NGLY1: variants seen among roughly 807,000 people sequenced by gnomAD.
NGLY1 encodes peptide-N(4)-(N-acetyl-beta-glucosaminyl)asparagine amidase.
NGLY1 carries 68 observed loss-of-function variants against 84.6 expected under a neutral mutation model. The observed-to-expected ratio is 0.80, with a 90% CI of 0.66 to 0.98. NGLY1 has a LOEUF of 0.98. NGLY1 is among the 50% of genes least tolerant of loss of function. The pLI is 0.00. For synonymous variants in NGLY1, 280 were observed against 275.2 expected (o/e 1.02, Z -0.17); for missense variants, 779 against 770.2 (o/e 1.01, Z -0.14).
At chr3:25,780,310 T>C (rs1708353465) in intron 1 of NGLY1, among the ~76,000 whole-genome samples, 1 of 152,204 alleles carries the variant, frequency 6.6e-6, no homozygotes, top group South Asian at 2.1e-4. Flanking sequence ...GTCTCACAAG[T>C]GAGCCTCTCT....
At chr3:25,761,895 T>C (rs985269516) in intron 3 of NGLY1, among the ~76,000 whole-genome samples, 1 of 152,146 alleles carries the variant, frequency 6.6e-6, no homozygotes, top group Non-Finnish European at 1.5e-5. Context: ...AAAATACTGA[T>C]ATATCCTGCA....
At chr3:25,733,438 C>A (rs1705644668) in intron 8 of NGLY1, among the ~76,000 whole-genome samples, 1 of 148,982 alleles carries the variant, frequency 6.7e-6, no homozygotes, top group Non-Finnish European at 1.5e-5. Context: ...ACTTCCTGTG[C>A]CTTGCTTCAG....
chr3:25,756,674 G>T (rs1407169530), intron 3 of NGLY1, among the ~76,000 whole-genome samples: 1 of 152,144 alleles, frequency 6.6e-6, no homozygotes, highest in Non-Finnish European at 1.5e-5. Flanking sequence ...CGTATGTTTT[G>T]ATCACTGCTG....
intron 10 of NGLY1, among the ~76,000 whole-genome samples, chr3:25,720,930 C>T (rs147472198): frequency 9.2e-4 from 139 of 150,318 alleles, no homozygotes; most frequent in Non-Finnish European, 1.2e-3. Flanking sequence ...TCATCCCTTA[C>T]GTCTGAATTC....
intron 3 of NGLY1, among the ~76,000 whole-genome samples, chr3:25,753,461 C>T (rs552755611): frequency 5.9e-5 from 9 of 151,988 alleles, no homozygotes; most frequent in African/African-American, 7.2e-5. Context: ...TAAATACATA[C>T]TTGGGAGTAG....
upstream of NGLY1, among the ~76,000 whole-genome samples, chr3:25,786,235 A>G (rs1448855634): frequency 6.6e-6 from 1 of 152,006 alleles, no homozygotes; most frequent in Non-Finnish European, 1.5e-5. Flanking sequence ...AGGCAGGAGA[A>G]TCGCTTGAAC....
intron 2 of NGLY1, among the ~76,000 whole-genome samples, chr3:25,774,995 T>C (rs542910487): frequency 1.3e-5 from 2 of 152,318 alleles, no homozygotes; most frequent in African/African-American, 4.8e-5. Flanking sequence ...TCTACTTTTA[T>C]ATTTCACTCA....
intron 2 of NGLY1, among the ~76,000 whole-genome samples, chr3:25,777,034 AT>A (rs1165240138): frequency 6.6e-6 from 1 of 152,196 alleles, no homozygotes; most frequent in Non-Finnish European, 1.5e-5. Flanking sequence ...CCTTGTCCCC[AT>A]CCCACCACCT....
chr3:25,765,453 CA>C (rs939891781), intron 2 of NGLY1, among the ~76,000 whole-genome samples: 1,109 of 58,306 alleles, frequency 0.019, 5 homozygotes, highest in African/African-American at 0.054. Flanking sequence ...GACTCAGTCT[CA>C]AAAAAAAAAA....
At chr3:25,727,116 A>G (rs1216881316) in intron 10 of NGLY1, among the ~76,000 whole-genome samples, 1 of 152,198 alleles carries the variant, frequency 6.6e-6, no homozygotes, top group African/African-American at 2.4e-5. Context: ...AGAACCAGAA[A>G]TACTGATTTA....
At chr3:25,741,257 G>A (rs1706125366) in intron 4 of NGLY1, among the ~76,000 whole-genome samples, 1 of 151,344 alleles carries the variant, frequency 6.6e-6, no homozygotes, top group Non-Finnish European at 1.5e-5. Context: ...CGTGTATCAA[G>A]ACATATTATA....
At chr3:25,773,846 G>A (rs1708018317) in intron 2 of NGLY1, among the ~76,000 whole-genome samples, 1 of 152,184 alleles carries the variant, frequency 6.6e-6, no homozygotes, top group Non-Finnish European at 1.5e-5. Flanking sequence ...CTCTAGGAAT[G>A]GGGCTTCCTG....
chr3:25,789,165 T>C (rs1708666500), intron 1 of NGLY1, among the ~76,000 whole-genome samples: 1 of 152,214 alleles, frequency 6.6e-6, no homozygotes, highest in South Asian at 2.1e-4. Context: ...CATGTTATAT[T>C]TTCCCTTTAT....
At chr3:25,742,883 G>GC (rs1706223082) in intron 4 of NGLY1, among the ~76,000 whole-genome samples, 1 of 64,990 alleles carries the variant, frequency 1.5e-5, no homozygotes, top group Non-Finnish European at 2.7e-5. Flanking sequence ...ACCTTATGTG[G>GC]CAAAAAAAAA....
chr3:25,750,144 G>C (rs1354738965), intron 4 of NGLY1, among the ~76,000 whole-genome samples: 1 of 152,150 alleles, frequency 6.6e-6, no homozygotes, highest in African/African-American at 2.4e-5. Flanking sequence ...GGCAGCAGGA[G>C]AGAGAATGAG....
Position 25,764,196 on chromosome 3 carries a change from T to C in NGLY1, c.362A>G (p.Lys121Arg), listed in dbSNP as rs1707449367. The C allele has an allele frequency of 6.2e-7, 1 of 1,614,172 alleles. No individual in the cohort carries two copies. Among genetic ancestry groups the C allele is most frequent in the Non-Finnish European group, 8.5e-7 (1 of 1,180,032 alleles). ...SRLDGSNKSHKVKSSQQPAAS... is the reference protein window; with the variant it reads ...SRLDGSNKSHRVKSSQQPAAS... The stretch of plus-strand genomic sequence containing the variant: ...TGCAGGTTGCTGAGATGACTTTACT[T>C]TGTGGCTCTTATTTGAGCCATCCAG... Residue 121 changes from lysine to arginine, a missense_variant, in exon 3 of 12, where the codon AAA becomes AGA. Coordinates refer to ENST00000280700, the MANE Select transcript of NGLY1 (RefSeq NM_018297.4).
chr3:25,748,267 C>T (rs980898134), intron 4 of NGLY1, among the ~76,000 whole-genome samples: 2 of 152,070 alleles, frequency 1.3e-5, no homozygotes, highest in African/African-American at 2.4e-5. Flanking sequence ...TACCATCACA[C>T]CAATAGGGCT....
intron 4 of NGLY1, among the ~76,000 whole-genome samples, chr3:25,747,022 G>C (rs970719224): frequency 1.3e-5 from 2 of 152,120 alleles, no homozygotes; most frequent in African/African-American, 4.8e-5. Flanking sequence ...TTTTAGTACA[G>C]ACGGGGTTTC....
intron 9 of NGLY1, chr3:25,730,337 G>GA (rs1705478941): frequency 6.6e-6 from 1 of 151,752 alleles, no homozygotes; most frequent in Non-Finnish European, 1.5e-5. Flanking sequence ...ATTTCTAAAG[G>GA]AAAAAATGAT....
Sources: gnomAD v4.1 joint callset for allele counts (sites outside exome capture counted in the v4.1 genomes callset) on GRCh38, gnomAD v4.1.1 for gene constraint, MANE v1.5 for transcripts, NCBI Gene and HGNC (gene_info 2026-07-23, HGNC 2026-07-21) for gene names.